Variants in DENND1A observed in about 807,000 individuals in gnomAD.
DENND1A encodes DENN domain containing 1A, also known as DENN domain-containing protein 1A.
A neutral mutation model predicts 113.7 loss-of-function variants in DENND1A; 51 were observed. That is an observed-to-expected ratio of 0.45 (90% CI 0.36 to 0.57). DENND1A has a LOEUF of 0.57. Among genes scored for constraint, DENND1A ranks in the 20% least tolerant of loss-of-function variants. The pLI, the probability that DENND1A is intolerant of heterozygous loss-of-function variation, is 0.00. For missense variants in DENND1A, 1,258 were observed against 1,395.9 expected, an observed-to-expected ratio of 0.90 and a Z score of 1.57; for synonymous variants, 565 against 570.8, an observed-to-expected ratio of 0.99 and a Z score of 0.14.
At chr9:123,748,351 T>C (rs2069707789) in intron 5 of DENND1A, among the ~76,000 whole-genome samples, 1 of 152,236 alleles carries the variant, frequency 6.6e-6, no homozygotes, top group Admixed American at 6.5e-5. Flanking sequence ...AGTGTATCTT[T>C]ATAATCTTAA....
intron 19 of DENND1A, 134 bp downstream of exon 19, chr9:123,440,226 A>T (rs2046823212): frequency 7.2e-6 from 8 of 1,115,784 alleles, no homozygotes; most frequent in Non-Finnish European, 9.7e-6. Flanking sequence ...ACATTTAAAG[A>T]TGTGAAAACC....
intron 5 of DENND1A, among the ~76,000 whole-genome samples, chr9:123,681,020 C>T (rs1050582631): frequency 2.0e-5 from 3 of 152,026 alleles, no homozygotes; most frequent in Non-Finnish European, 2.9e-5. Flanking sequence ...AGAAGGGTGT[C>T]CCACTGAGGG....
intron 5 of DENND1A, among the ~76,000 whole-genome samples, chr9:123,710,117 A>T (rs575672310): frequency 6.6e-6 from 1 of 152,230 alleles, no homozygotes; most frequent in African/African-American, 2.4e-5. Flanking sequence ...CCAAATTTCC[A>T]ACATACCTAA....
At chr9:123,823,802 G>A (rs1244755412) in intron 2 of DENND1A, among the ~76,000 whole-genome samples, 1 of 152,144 alleles carries the variant, frequency 6.6e-6, no homozygotes, top group Non-Finnish European at 1.5e-5. Context: ...TGGGAAAGGT[G>A]AGTGAGTATG....
chr9:123,879,567 C>A (rs1848026795), intron 1 of DENND1A, among the ~76,000 whole-genome samples: 1 of 152,048 alleles, frequency 6.6e-6, no homozygotes, highest in Non-Finnish European at 1.5e-5. Flanking sequence ...CACACACACA[C>A]ACACACAAAT....
intron 11 of DENND1A, among the ~76,000 whole-genome samples, chr9:123,607,388 C>T (rs1191352283): frequency 6.7e-6 from 1 of 148,888 alleles, no homozygotes; most frequent in Admixed American, 6.7e-5. Context: ...GTGTGTTCCA[C>T]TTAGGTGCCA....
At chr9:123,632,769 C>T (rs1040268306) in intron 9 of DENND1A, among the ~76,000 whole-genome samples, 3 of 152,142 alleles carry the variant, frequency 2.0e-5, no homozygotes, top group Non-Finnish European at 1.5e-5. Flanking sequence ...TCCTTTTCCT[C>T]CCATCCCTTT....
chr9:123,718,305 T>C (rs938833061), intron 5 of DENND1A, among the ~76,000 whole-genome samples: 1 of 152,180 alleles, frequency 6.6e-6, no homozygotes, highest in Non-Finnish European at 1.5e-5. Flanking sequence ...AATGACAGAA[T>C]TTAATGACTG....
At chr9:123,929,777 G>T (rs1857714483) in intron 1 of DENND1A, 112 bp downstream of exon 1, 1 of 170,566 alleles carries the variant, frequency 5.9e-6, no homozygotes, top group African/African-American at 2.4e-5. Context: ...GTCACGCGGG[G>T]CGCCCCTCTG....
intron 19 of DENND1A, among the ~76,000 whole-genome samples, chr9:123,436,868 C>T (rs1475907984): frequency 6.6e-6 from 1 of 152,176 alleles, no homozygotes; most frequent in Non-Finnish European, 1.5e-5. Flanking sequence ...ATGCCTCACC[C>T]TTCCGAGCAG....
In DENND1A at chr9:123,823,076, A is replaced by G. The variant is rs187985484; in HGVS notation, c.89-30446T>C. Reference sequence around the variant, plus strand: ...AACAGATACTTATTGTGTACTTACTATGTCTCAGGTACTGTGCTAAACTCG... The same window carrying G: ...AACAGATACTTATTGTGTACTTACTGTGTCTCAGGTACTGTGCTAAACTCG... On this transcript the variant is annotated intron_variant, in intron 2 of 23. Coordinates refer to ENST00000394215, the MANE Select transcript of DENND1A (RefSeq NM_001352964.2). 1.2e-3 allele frequency among the ~76,000 whole-genome samples: 189 copies of G among 152,322 alleles called. 1 individual carries two copies. The highest frequency in any genetic ancestry group is 3.9e-3 in the African/African-American group (163 of 41,570).
chr9:123,606,759 A>C (rs1357256330), intron 11 of DENND1A, among the ~76,000 whole-genome samples: 1 of 152,242 alleles, frequency 6.6e-6, no homozygotes. Flanking sequence ...GCATCCTGTT[A>C]GGTGCTGAGG....
chr9:123,643,902 G>A (rs534357167), intron 9 of DENND1A, among the ~76,000 whole-genome samples: 18 of 152,184 alleles, frequency 1.2e-4, no homozygotes, highest in Non-Finnish European at 2.4e-4. Flanking sequence ...AGGTGACGAC[G>A]ACCAGGCAGA....
At chr9:123,874,221 A>G (rs1332669989) in intron 2 of DENND1A, among the ~76,000 whole-genome samples, 3 of 151,886 alleles carry the variant, frequency 2.0e-5, no homozygotes, top group Non-Finnish European at 4.4e-5. Context: ...AAAAAACGAA[A>G]AAAAGGAAAT....
At chr9:123,482,911 T>A (rs1379949396) in intron 13 of DENND1A, among the ~76,000 whole-genome samples, 1 of 152,102 alleles carries the variant, frequency 6.6e-6, no homozygotes, top group Non-Finnish European at 1.5e-5. Context: ...TGGGCATGGA[T>A]CATGCAGGTC....
intron 11 of DENND1A, among the ~76,000 whole-genome samples, chr9:123,585,984 A>G (rs1170462608): frequency 6.6e-6 from 1 of 152,122 alleles, no homozygotes; most frequent in Non-Finnish European, 1.5e-5. Flanking sequence ...CCAGTCTGGA[A>G]GGCTGTAGTG....
intron 4 of DENND1A, among the ~76,000 whole-genome samples, chr9:123,763,530 G>A (rs2131527138): frequency 6.6e-6 from 1 of 152,212 alleles, no homozygotes; most frequent in African/African-American, 2.4e-5. Context: ...ACACTAGTTA[G>A]GAAATCAGAG....
Position 123,380,096 on chromosome 9 carries a change from A to G in DENND1A, c.*1336T>C, listed in dbSNP as rs1440723947. ...AGGGGGCTCCCTGGGTGACATCTCCAGAGACCCCCTTGTCCCCCAGACACC... is the reference window on the plus strand; with the variant it reads ...AGGGGGCTCCCTGGGTGACATCTCCGGAGACCCCCTTGTCCCCCAGACACC... On this transcript the variant is annotated 3_prime_UTR_variant, in exon 24 of 24. Transcript: ENST00000394215. The G allele has an allele frequency of 6.6e-6, 1 of 152,232 alleles. No homozygotes were observed. Among genetic ancestry groups the G allele is most frequent in the African/African-American group, 2.4e-5 (1 of 41,456 alleles). 9.4% of individuals were successfully genotyped at this position (152,232 alleles called of 1,614,324 possible). A position where few individuals can be genotyped will look rare whatever the true frequency, so the allele number is the denominator to read the frequency against.
chr9:123,386,121 G>A (rs539434629), intron 22 of DENND1A, among the ~76,000 whole-genome samples: 1 of 152,304 alleles, frequency 6.6e-6, no homozygotes, highest in Admixed American at 6.5e-5. Context: ...CTGGCTGGGA[G>A]CAGGGTGCCT....
Sources: gnomAD v4.1 joint callset for allele counts (sites outside exome capture counted in the v4.1 genomes callset) on GRCh38, gnomAD v4.1.1 for gene constraint, MANE v1.5 for transcripts, NCBI Gene and HGNC (gene_info 2026-07-23, HGNC 2026-07-21) for gene names.